The following SLC38A8 variants were observed in gnomAD, a reference collection of about 807,000 sequenced individuals.
SLC38A8 encodes the protein solute carrier family 38 member 8, also known as amino acid transporter SLC38A8.
Under a neutral mutation model 46.0 loss-of-function variants are expected in SLC38A8, and 65 were observed. The observed-to-expected ratio is 1.41, with a 90% CI of 1.16 to 1.74. The LOEUF (loss-of-function observed/expected upper bound fraction) is 1.74, where lower values mean the gene tolerates loss of function less well. Ranked by LOEUF, SLC38A8 falls within the 40% of genes most tolerant of loss-of-function variation. The probability of loss-of-function intolerance (pLI) is 0.00; values close to 1 mark genes in which losing one functional copy is unlikely to be tolerated. For synonymous variants in SLC38A8, 447 were observed against 243.7 expected (o/e 1.83, Z -7.77); for missense variants, 998 against 567.9 (o/e 1.76, Z -7.70).
intron 9 of SLC38A8, among the ~76,000 whole-genome samples, chr16:84,015,976 G>T (rs1056672693): frequency 2.0e-5 from 3 of 152,234 alleles, no homozygotes; most frequent in Non-Finnish European, 4.4e-5. Flanking sequence ...ACTGTGCCCA[G>T]CCAGAGGCTA....
chr16:84,036,409 C>T (rs1328349669), intron 3 of SLC38A8, among the ~76,000 whole-genome samples: 1 of 152,246 alleles, frequency 6.6e-6, no homozygotes, highest in Admixed American at 6.5e-5. Context: ...TCAGAAGGAG[C>T]TGCTTGCTGT....
chr16:84,010,927 T>A (rs1047739787), intron 10 of SLC38A8, among the ~76,000 whole-genome samples: 1 of 152,098 alleles, frequency 6.6e-6, no homozygotes, highest in African/African-American at 2.4e-5. Context: ...TGGCTGGGAC[T>A]GGCAGCCACC....
chr16:84,022,946 GA>G (rs997833800), intron 6 of SLC38A8, 57 bp from the exon 7 acceptor site: 16 of 1,286,378 alleles, frequency 1.2e-5, no homozygotes, highest in Admixed American at 5.8e-5. Flanking sequence ...CAGGCGATGC[GA>G]AAAAAAACTC....
chr16:84,036,721 G>A lies in SLC38A8; in HGVS notation c.369C>T (p.Ile123=), dbSNP rs202144765. 70 of 1,614,136 alleles carry A rather than the reference G, an allele frequency of 4.3e-5. No homozygotes were observed. In the East Asian group the frequency reaches 6.5e-4, roughly 15 times the overall value. Residue 123 remains isoleucine (I), a synonymous_variant, in exon 3 of 11, where the codon ATC becomes ATT. Coordinates refer to ENST00000299709, the MANE Select transcript of SLC38A8 (RefSeq NM_001080442.3). ...LMISVAFLRV[I]GDQLEKLCDS... is the part of the protein sequence containing the mutation. ...ACTTACGCTTCTCCAGCTGGTCCCC[G>A]ATCACCCTGAGGAAGGCCACGGAGA...
At chr16:84,013,084 T>C (rs1211686134) in intron 9 of SLC38A8, 32 bp from the exon 10 acceptor site, 1 of 1,613,352 alleles carries the variant, frequency 6.2e-7, no homozygotes, top group East Asian at 2.2e-5. Context: ...CCACAGTTCT[T>C]CGTTATCAAA....
At chr16:84,014,075 G>T (rs1173754039) in intron 9 of SLC38A8, among the ~76,000 whole-genome samples, 2 of 150,056 alleles carry the variant, frequency 1.3e-5, no homozygotes, top group African/African-American at 4.9e-5. Context: ...TGAAAGGCCC[G>T]CCCAGAGCTG....
intron 2 of SLC38A8, among the ~76,000 whole-genome samples, chr16:84,038,055 A>T (rs141746310): frequency 0.031 from 4,654 of 152,152 alleles, 235 homozygotes; most frequent in African/African-American, 0.11. Context: ...TCACGCCTGT[A>T]ATCCCAGCAC....
At chr16:84,035,099 G>A (rs1228859573) in intron 3 of SLC38A8, among the ~76,000 whole-genome samples, 1 of 152,150 alleles carries the variant, frequency 6.6e-6, no homozygotes, top group Non-Finnish European at 1.5e-5. Flanking sequence ...ACCCAGACCT[G>A]GGGTGGCCCG....
rs189926488 is a variant in SLC38A8, at chr16:84,018,257, G to C, written c.806-970C>G. Among the ~76,000 whole-genome samples the C allele has an allele frequency of 1.5e-3, 177 of 115,710 alleles. 1 individual carries two copies. The highest frequency in any genetic ancestry group is 2.5e-3 in the Non-Finnish European group (151 of 60,244). 75.9% of individuals were successfully genotyped at this position (115,710 alleles called of 152,430 possible). ...TTTTTTTTTTTTTTTTTTTGAGACA[G>C]AGTCTCTCTCTGTCGCCCAGGCTGG... On this transcript the variant is annotated intron_variant, in intron 7 of 10. Coordinates refer to ENST00000299709, the MANE Select transcript of SLC38A8 (RefSeq NM_001080442.3).
At chr16:84,037,276 G>C (rs1241830886) in intron 2 of SLC38A8, among the ~76,000 whole-genome samples, 2 of 152,366 alleles carry the variant, frequency 1.3e-5, no homozygotes, top group Non-Finnish European at 2.9e-5. Context: ...GGAACCCGAG[G>C]TGGAGCGGGC....
At chr16:84,032,981 G>T (rs1285089662) in intron 4 of SLC38A8, among the ~76,000 whole-genome samples, 1 of 142,600 alleles carries the variant, frequency 7.0e-6, no homozygotes, top group Non-Finnish European at 1.5e-5. Context: ...GGGGGGTGTG[G>T]GTAGGTGGGT....
intron 6 of SLC38A8, among the ~76,000 whole-genome samples, chr16:84,023,974 C>G (rs2085127923): frequency 6.6e-6 from 1 of 152,218 alleles, no homozygotes; most frequent in Non-Finnish European, 1.5e-5. Context: ...CACTTCTACA[C>G]CAGGGTTTCT....
chr16:84,017,185 G>A lies in SLC38A8; in HGVS notation c.908C>T (p.Ala303Val), dbSNP rs146553098. 6.2e-7 allele frequency: 1 copy of A among 1,614,138 alleles called. No homozygotes were observed. Among genetic ancestry groups the A allele is most frequent in the Non-Finnish European group, 8.5e-7 (1 of 1,180,016 alleles). Reference protein sequence around the residue: ...MVIIVARVLFAVSIVTVYPIV... With the variant: ...MVIIVARVLFVVSIVTVYPIV... ...GGGGTAGACAGTTACGATGGAGACA[G>A]CAAAAAGGACCCGGGCCACAATGAT... Residue 303 changes from alanine to valine, a missense_variant, in exon 8 of 11, where the codon GCT becomes GTT. Transcript: ENST00000299709.
intron 7 of SLC38A8, among the ~76,000 whole-genome samples, chr16:84,021,892 C>T (rs544814380): frequency 9.8e-5 from 15 of 152,328 alleles, no homozygotes; most frequent in African/African-American, 2.6e-4. Context: ...TGAAGTGGCG[C>T]GCAGAGTGTC....
upstream of SLC38A8, among the ~76,000 whole-genome samples, chr16:84,042,978 G>A (rs894185192): frequency 1.3e-5 from 2 of 152,136 alleles, no homozygotes; most frequent in Non-Finnish European, 2.9e-5. Flanking sequence ...CTTCTGCAGC[G>A]CCTCCATCCT....
intron 9 of SLC38A8, among the ~76,000 whole-genome samples, chr16:84,013,426 T>TTG (rs2084979435): frequency 1.1e-5 from 1 of 95,096 alleles, no homozygotes; most frequent in Non-Finnish European, 2.0e-5. Context: ...GTGTGTGTGT[T>TTG]TTTTTTTTTT....
intron 6 of SLC38A8, among the ~76,000 whole-genome samples, chr16:84,028,855 A>C (rs968259316): frequency 2.0e-5 from 3 of 152,056 alleles, no homozygotes; most frequent in African/African-American, 7.2e-5. Flanking sequence ...GCTGCTGCCC[A>C]TACATCCTTC....
chr16:84,019,897 C>T (rs2085075409), intron 7 of SLC38A8, among the ~76,000 whole-genome samples: 1 of 152,260 alleles, frequency 6.6e-6, no homozygotes, highest in Non-Finnish European at 1.5e-5. Flanking sequence ...GTTTTGACAC[C>T]ATGTGCCACC....
intron 7 of SLC38A8, among the ~76,000 whole-genome samples, chr16:84,021,914 G>A (rs1413922732): frequency 6.6e-6 from 1 of 152,208 alleles, no homozygotes; most frequent in East Asian, 1.9e-4. Context: ...CATGGCAAGG[G>A]GGCTGAGTGT....
Sources: allele counts gnomAD v4.1 joint callset (sites outside exome capture counted in the v4.1 genomes callset), GRCh38; gene constraint gnomAD v4.1.1; transcripts MANE v1.5; gene names NCBI Gene and HGNC (gene_info 2026-07-23, HGNC 2026-07-21).